FILIP1L: variants seen among roughly 807,000 people sequenced by gnomAD.
FILIP1L encodes filamin A-interacting protein 1-like.
Under a neutral mutation model 96.6 loss-of-function variants are expected in FILIP1L, and 55 were observed. The ratio of observed to expected loss-of-function variants is 0.57; its 90% CI spans 0.46 to 0.71. FILIP1L has a LOEUF of 0.71. FILIP1L is among the 30% of genes least tolerant of loss of function. FILIP1L has a pLI of 0.00. For missense variants in FILIP1L, 1,304 were observed against 1,321.2 expected (o/e 0.99, Z 0.20); for synonymous variants, 467 against 473.9 (o/e 0.99, Z 0.19).
At chr3:99,857,805 A>G (rs1297834925) in intron 4 of FILIP1L, among the ~76,000 whole-genome samples, 1 of 152,210 alleles carries the variant, frequency 6.6e-6, no homozygotes, top group African/African-American at 2.4e-5. Flanking sequence ...CTGTCTCTTT[A>G]AGGAAACCTA....
At chr3:100,110,317 T>C (rs1040638043) in intron 1 of FILIP1L, among the ~76,000 whole-genome samples, 1 of 152,004 alleles carries the variant, frequency 6.6e-6, no homozygotes, top group Non-Finnish European at 1.5e-5. Flanking sequence ...CAGTTTAATA[T>C]CATGGCTCAG....
chr3:100,097,511 ATC>A (rs909825443), intron 1 of FILIP1L, among the ~76,000 whole-genome samples: 7 of 152,174 alleles, frequency 4.6e-5, no homozygotes, highest in African/African-American at 1.7e-4. Context: ...AACACAGTAT[ATC>A]TCTCTATTTT....
chr3:100,065,892 G>C (rs1466975363), intron 1 of FILIP1L, among the ~76,000 whole-genome samples: 1 of 152,194 alleles, frequency 6.6e-6, no homozygotes, highest in African/African-American at 2.4e-5. Flanking sequence ...CTCAAAATAT[G>C]GCTCCTGGAT....
intron 4 of FILIP1L, among the ~76,000 whole-genome samples, chr3:99,900,737 C>T (rs1211168881): frequency 6.6e-6 from 1 of 152,234 alleles, no homozygotes; most frequent in African/African-American, 2.4e-5. Flanking sequence ...AACTGAGCTG[C>T]ACGTTGGAAC....
At chr3:99,891,682 C>T (rs1277909254) in intron 4 of FILIP1L, among the ~76,000 whole-genome samples, 1 of 152,046 alleles carries the variant, frequency 6.6e-6, no homozygotes, top group East Asian at 1.9e-4. Context: ...GAAAATCAGC[C>T]TGAAAACTAT....
At chr3:99,900,678 A>G (rs1706406652) in intron 4 of FILIP1L, among the ~76,000 whole-genome samples, 1 of 152,218 alleles carries the variant, frequency 6.6e-6, no homozygotes, top group South Asian at 2.1e-4. Context: ...TCATTGTGTA[A>G]TCTTCCCTCT....
chr3:99,968,816 G>C (rs1189278078), intron 1 of FILIP1L, among the ~76,000 whole-genome samples: 2 of 152,208 alleles, frequency 1.3e-5, no homozygotes. Flanking sequence ...CCAGTGGCCA[G>C]GGCAGAATGA....
chr3:99,861,005 T>A (rs1944223241), intron 4 of FILIP1L, among the ~76,000 whole-genome samples: 2 of 152,204 alleles, frequency 1.3e-5, no homozygotes, highest in Admixed American at 1.3e-4. Flanking sequence ...AAAAAGTTAA[T>A]TACTGTGAAT....
intron 4 of FILIP1L, among the ~76,000 whole-genome samples, chr3:99,892,017 TTC>T (rs1706097104): frequency 6.6e-6 from 1 of 152,206 alleles, no homozygotes; most frequent in South Asian, 2.1e-4. Flanking sequence ...CAGTTGTTAC[TTC>T]TTAGTTCAGG....
At chr3:100,008,115 G>T (rs569948371) in intron 1 of FILIP1L, among the ~76,000 whole-genome samples, 16 of 152,124 alleles carry the variant, frequency 1.1e-4, no homozygotes, top group Non-Finnish European at 2.2e-4. Flanking sequence ...ACAATAAATT[G>T]CTGCTGCTGT....
At chr3:99,887,337 C>A (rs1464365306) in intron 4 of FILIP1L, among the ~76,000 whole-genome samples, 1 of 151,802 alleles carries the variant, frequency 6.6e-6, no homozygotes, top group East Asian at 1.9e-4. Context: ...TTCATCTGGA[C>A]CTTGAAGGGT....
chr3:99,957,693 C>CTTTTTTTTTTTTTTTTTTTTT (rs779350496), intron 1 of FILIP1L, among the ~76,000 whole-genome samples: 221 of 19,886 alleles, frequency 0.011, 64 homozygotes, highest in Non-Finnish European at 0.016. Context: ...TTCTTTCTTT[C>CTTTTTTTTTTTTTTTTTTTTT]TTTTTTTTTT....
intron 1 of FILIP1L, among the ~76,000 whole-genome samples, chr3:100,098,137 AC>A (rs1306603584): frequency 6.6e-6 from 1 of 152,178 alleles, no homozygotes; most frequent in Non-Finnish European, 1.5e-5. Context: ...TGGAGTCTGT[AC>A]TGCTTGCAGC....
At chr3:99,986,235 G>C (rs1273758283) in intron 1 of FILIP1L, among the ~76,000 whole-genome samples, 7 of 152,188 alleles carry the variant, frequency 4.6e-5, no homozygotes, top group Non-Finnish European at 1.0e-4. Context: ...GGTAGATGTT[G>C]CTCATGCATC....
chr3:99,876,547 A>G (rs933833404), intron 4 of FILIP1L, among the ~76,000 whole-genome samples: 2 of 152,264 alleles, frequency 1.3e-5, no homozygotes, highest in Admixed American at 1.3e-4. Context: ...AAACTTTTGT[A>G]AATTCATTAT....
chr3:99,860,285 C>A (rs534589422), intron 4 of FILIP1L, among the ~76,000 whole-genome samples: 1 of 152,208 alleles, frequency 6.6e-6, no homozygotes, highest in African/African-American at 2.4e-5. Flanking sequence ...CTCTTCATCA[C>A]CTGAACGATT....
At chr3:99,832,006 C>A (rs760166601) in intron 5 of FILIP1L, among the ~76,000 whole-genome samples, 12 of 152,174 alleles carry the variant, frequency 7.9e-5, no homozygotes, top group Non-Finnish European at 1.5e-4. Context: ...TTCTTTTGAG[C>A]AACACTGATA....
chr3:100,092,690 T>C, intron 1 of FILIP1L, among the ~76,000 whole-genome samples: 1 of 148,358 alleles, frequency 6.7e-6, no homozygotes, highest in East Asian at 2.0e-4. Flanking sequence ...ATTGCTATTA[T>C]TATTTTAGGT....
At chr3:99,923,903 C>T (rs1707203335) in intron 4 of FILIP1L, among the ~76,000 whole-genome samples, 1 of 152,228 alleles carries the variant, frequency 6.6e-6, no homozygotes, top group Non-Finnish European at 1.5e-5. Context: ...TACTAACACA[C>T]TTATTTCACC....
Sources: gnomAD v4.1 joint callset for allele counts (sites outside exome capture counted in the v4.1 genomes callset) on GRCh38, gnomAD v4.1.1 for gene constraint, MANE v1.5 for transcripts, NCBI Gene and HGNC (gene_info 2026-07-23, HGNC 2026-07-21) for gene names.